Variants in LRP1B observed in about 807,000 individuals in gnomAD.
The protein encoded by LRP1B is low-density lipoprotein receptor-related protein 1B.
A neutral mutation model predicts 556.6 loss-of-function variants in LRP1B; 217 were observed. That is an observed-to-expected ratio of 0.39 (90% CI 0.35 to 0.44). The LOEUF is 0.44. Ranked by LOEUF, LRP1B falls within the 20% of genes least tolerant of loss-of-function variation. LRP1B has a pLI of 1.00. For missense variants in LRP1B, 5,053 were observed against 5,620.8 expected (o/e 0.90, Z 3.23); for synonymous variants, 2,047 against 1,865.8 (o/e 1.10, Z -2.50).
At chr2:141,640,277 C>T (rs355541) in intron 2 of LRP1B, among the ~76,000 whole-genome samples, 116,985 of 152,096 alleles carry the variant, frequency 0.77, 45,660 homozygotes, top group African/African-American at 0.89. Flanking sequence ...AAAATGATTA[C>T]TTTTATTTTG....
chr2:141,646,640 T>C (rs1478276147), intron 2 of LRP1B, among the ~76,000 whole-genome samples: 1 of 151,872 alleles, frequency 6.6e-6, no homozygotes, highest in East Asian at 1.9e-4. Context: ...AGAAAACTCA[T>C]GGAAATGCAG....
intron 2 of LRP1B, among the ~76,000 whole-genome samples, chr2:141,691,465 AAC>A (rs10522926): frequency 1.7e-4 from 22 of 133,078 alleles, no homozygotes; most frequent in Admixed American, 2.3e-4. Flanking sequence ...GTAATCAGCC[AAC>A]ACACACACAC....
chr2:141,535,621 A>G (rs1685045924), intron 2 of LRP1B, among the ~76,000 whole-genome samples: 1 of 152,116 alleles, frequency 6.6e-6, no homozygotes, highest in Admixed American at 6.6e-5. Flanking sequence ...AAGCAAGTTA[A>G]CAGAAATGAA....
intron 3 of LRP1B, among the ~76,000 whole-genome samples, chr2:141,391,049 A>G (rs1372170946): frequency 6.6e-6 from 1 of 152,248 alleles, no homozygotes; most frequent in South Asian, 2.1e-4. Context: ...ACAATGAGTA[A>G]GAACATTTCA....
intron 1 of LRP1B, among the ~76,000 whole-genome samples, chr2:141,811,706 T>C (rs1049077994): frequency 2.0e-5 from 3 of 152,166 alleles, no homozygotes; most frequent in African/African-American, 7.2e-5. Context: ...ACCAACAGCA[T>C]GCTCATCACC....
chr2:140,265,719 ATACT>A (rs999011691), intron 86 of LRP1B, among the ~76,000 whole-genome samples: 5 of 152,098 alleles, frequency 3.3e-5, no homozygotes, highest in African/African-American at 9.7e-5. Flanking sequence ...GAAATAGTAC[ATACT>A]TACTTTTCAT....
At chr2:140,602,056 A>G (rs1323870302) in intron 41 of LRP1B, among the ~76,000 whole-genome samples, 1 of 152,126 alleles carries the variant, frequency 6.6e-6, no homozygotes, top group Non-Finnish European at 1.5e-5. Context: ...ATAGATCTGG[A>G]GATGTCCAGG....
intron 3 of LRP1B, among the ~76,000 whole-genome samples, chr2:141,472,671 T>C (rs1682521740): frequency 6.6e-6 from 1 of 152,218 alleles, no homozygotes; most frequent in Admixed American, 6.5e-5. Context: ...AGAAGTAATG[T>C]AACTTCATTT....
At chr2:140,657,375 C>T (rs1684915910) in intron 41 of LRP1B, among the ~76,000 whole-genome samples, 1 of 151,698 alleles carries the variant, frequency 6.6e-6, no homozygotes, top group African/African-American at 2.4e-5. Flanking sequence ...ATTTTCTCAG[C>T]ACTTCGTATC....
intron 2 of LRP1B, among the ~76,000 whole-genome samples, chr2:141,622,117 C>A (rs1423272193): frequency 6.6e-6 from 1 of 152,050 alleles, no homozygotes; most frequent in Non-Finnish European, 1.5e-5. Context: ...TCTTGAACTC[C>A]CGACCGCAGG....
At chr2:140,938,711 T>C (rs1448481191) in intron 20 of LRP1B, among the ~76,000 whole-genome samples, 1 of 152,074 alleles carries the variant, frequency 6.6e-6, no homozygotes, top group Non-Finnish European at 1.5e-5. Context: ...ACTGTGAGGA[T>C]TAAATGAAGT....
intron 35 of LRP1B, among the ~76,000 whole-genome samples, chr2:140,749,871 T>G (rs995891756): frequency 1.3e-5 from 2 of 152,214 alleles, no homozygotes; most frequent in African/African-American, 2.4e-5. Flanking sequence ...TACTTTCATA[T>G]GACTGACAGT....
chr2:141,670,749 C>G (rs192576715), intron 2 of LRP1B, among the ~76,000 whole-genome samples: 1 of 152,284 alleles, frequency 6.6e-6, no homozygotes, highest in East Asian at 1.9e-4. Flanking sequence ...AACTTTGGAA[C>G]TTTTGGCACT....
At chr2:141,234,021 G>A (rs1683566418) in intron 5 of LRP1B, among the ~76,000 whole-genome samples, 1 of 152,034 alleles carries the variant, frequency 6.6e-6, no homozygotes, top group Non-Finnish European at 1.5e-5. Context: ...AAAAATCCCA[G>A]TTTTAACTGC....
At chr2:140,272,292 C>CAG (rs1682499302) in intron 85 of LRP1B, among the ~76,000 whole-genome samples, 1 of 146,228 alleles carries the variant, frequency 6.8e-6, no homozygotes, top group Admixed American at 6.9e-5. Context: ...CACACACACA[C>CAG]AGAATATGTG....
intron 49 of LRP1B, among the ~76,000 whole-genome samples, chr2:140,519,802 G>A (rs1394929408): frequency 6.6e-6 from 1 of 152,002 alleles, no homozygotes; most frequent in Non-Finnish European, 1.5e-5. Flanking sequence ...GTGGACAAAG[G>A]ATATAAACAG....
At chr2:141,727,567 G>A (rs534665203) in intron 2 of LRP1B, among the ~76,000 whole-genome samples, 16 of 152,216 alleles carry the variant, frequency 1.1e-4, no homozygotes, top group African/African-American at 3.4e-4. Flanking sequence ...TTCAAGATAT[G>A]TGACCTTGGT....
At chr2:140,271,000 C>T (rs1682435262) in intron 85 of LRP1B, among the ~76,000 whole-genome samples, 1 of 151,902 alleles carries the variant, frequency 6.6e-6, no homozygotes, top group Non-Finnish European at 1.5e-5. Flanking sequence ...ATGAGACAGG[C>T]TTTCTTGAAA....
chr2:140,373,707 G>A (rs1357407293), intron 68 of LRP1B, among the ~76,000 whole-genome samples: 1 of 152,114 alleles, frequency 6.6e-6, no homozygotes, highest in Non-Finnish European at 1.5e-5. Context: ...AGGACTTTGA[G>A]GATGTAGTGC....
Sources: allele counts gnomAD v4.1 joint callset (sites outside exome capture counted in the v4.1 genomes callset), GRCh38; gene constraint gnomAD v4.1.1; transcripts MANE v1.5; gene names NCBI Gene and HGNC (gene_info 2026-07-23, HGNC 2026-07-21).